The following SMAD2 variants were observed in gnomAD, a reference collection of about 807,000 sequenced individuals.
SMAD2 encodes SMAD family member 2.
In SMAD2, 8 loss-of-function variants were observed where a neutral mutation model predicts 64.4. That is an observed-to-expected ratio of 0.12 (90% confidence interval 0.07 to 0.22). SMAD2 has a LOEUF of 0.22. Ranked by LOEUF, SMAD2 falls within the 10% of genes least tolerant of loss-of-function variation. SMAD2 has a pLI of 1.00. For missense variants in SMAD2, 289 were observed against 561.2 expected, an observed-to-expected ratio of 0.51 and a Z score of 4.90; for synonymous variants, 203 against 195.8, an observed-to-expected ratio of 1.04 and a Z score of -0.31.
At chr18:47,925,019 T>A (rs1181176966) in intron 1 of SMAD2, among the ~76,000 whole-genome samples, 4 of 152,206 alleles carry the variant, frequency 2.6e-5, no homozygotes, top group Non-Finnish European at 5.9e-5. Context: ...TCACCCAAGA[T>A]TATTCCTACT....
At chr18:47,845,166 C>G (rs1598745938) in intron 10 of SMAD2, 174 bp downstream of exon 10, 1 of 694,670 alleles carries the variant, frequency 1.4e-6, no homozygotes. Flanking sequence ...ATAATGGCAG[C>G]TCAGTAATTT....
intron 7 of SMAD2, among the ~76,000 whole-genome samples, chr18:47,850,353 C>T (rs1452584200): frequency 8.6e-4 from 14 of 16,332 alleles, no homozygotes; most frequent in African/African-American, 1.0e-3. Context: ...ATATATTATA[C>T]ATAATATGTA....
chr18:47,850,590 TTA>T (rs1212964913), intron 7 of SMAD2, among the ~76,000 whole-genome samples: 3 of 55,096 alleles, frequency 5.4e-5, no homozygotes, highest in South Asian at 8.7e-4. Context: ...TATATATATA[TTA>T]TATATATTAT....
At chr18:47,902,593 A>C (rs559209834) in intron 1 of SMAD2, among the ~76,000 whole-genome samples, 3 of 152,324 alleles carry the variant, frequency 2.0e-5, no homozygotes, top group African/African-American at 7.2e-5. Flanking sequence ...ACAACAGAAA[A>C]CGTGTCAGTT....
rs1337704671 is a variant in SMAD2, at chr18:47,829,811, T to C, written c.*12016A>G. The C allele has an allele frequency of 6.6e-6, 1 of 152,246 alleles. No homozygotes were observed. Among genetic ancestry groups the C allele is most frequent in the Admixed American group, 6.5e-5 (1 of 15,290 alleles). 9.4% of individuals were successfully genotyped at this position (152,246 alleles called of 1,614,324 possible). ...ATGTTTTACCAACAAATAATTTGTA[T>C]GTTAAATTTAAGCATCTGAATTCCG... is the stretch of plus-strand genomic sequence containing the variant. On this transcript the variant is annotated 3_prime_UTR_variant, in exon 11 of 11. Transcript: ENST00000262160.
chr18:47,929,135 A>G (rs2034893409), intron 1 of SMAD2, among the ~76,000 whole-genome samples: 1 of 152,198 alleles, frequency 6.6e-6, no homozygotes, highest in South Asian at 2.1e-4. Flanking sequence ...TATGAAGCCC[A>G]TTTTAAATTA....
rs1171560317 is a variant in SMAD2 at position 47,875,799 on chromosome 18, G to C, written c.237-5235C>G. Among the ~76,000 whole-genome samples the C allele has an allele frequency of 2.0e-5, 3 of 151,986 alleles. No individual in the cohort carries two copies. In the East Asian group the frequency reaches 5.8e-4, roughly 29 times the overall value. On this transcript the variant is annotated intron_variant, in intron 2 of 10. Coordinates refer to ENST00000262160, the MANE Select transcript of SMAD2 (RefSeq NM_005901.6). ...TCATAAGCTAGCTACTTTATATCAA[G>C]CACTGTGTAAGACTAAATGGATTAG... is the stretch of plus-strand genomic sequence containing the variant.
intron 1 of SMAD2, among the ~76,000 whole-genome samples, chr18:47,904,381 A>G (rs994334735): frequency 6.6e-6 from 1 of 151,792 alleles, no homozygotes; most frequent in Non-Finnish European, 1.5e-5. Context: ...GGATTTGTGG[A>G]GCAAAACTTA....
At chr18:47,930,028 C>T (rs1402066776) in intron 1 of SMAD2, among the ~76,000 whole-genome samples, 1 of 152,056 alleles carries the variant, frequency 6.6e-6, no homozygotes, top group African/African-American at 2.4e-5. Flanking sequence ...GCGTCCCTAA[C>T]AAGGCTTCCC....
At position 47,836,655 on chromosome 18, in the gene SMAD2, A is replaced by G; in HGVS notation, c.*5172T>C. 4.6e-6 allele frequency: 1 copy of G among 216,310 alleles called. No homozygotes were observed. Among genetic ancestry groups the G allele is most frequent in the Non-Finnish European group, 9.3e-6 (1 of 107,458 alleles). 13.4% of individuals were successfully genotyped at this position (216,310 alleles called of 1,614,324 possible). On this transcript the variant is annotated 3_prime_UTR_variant, in exon 11 of 11. Coordinates refer to ENST00000262160, the MANE Select transcript of SMAD2 (RefSeq NM_005901.6). ...CACATATATTATTTATTTCCTTCTT[A>G]AAAAGACTGAGGCAGTTCTGCTATA...
intron 6 of SMAD2, among the ~76,000 whole-genome samples, chr18:47,860,951 T>A (rs1396041429): frequency 6.6e-6 from 1 of 152,190 alleles, no homozygotes; most frequent in Non-Finnish European, 1.5e-5. Context: ...TGAAATGTGT[T>A]CTTCCTATAA....
rs960279245 is a variant in SMAD2, at chr18:47,835,350, A to G, written c.*6477T>C. 4.9e-6 allele frequency: 1 copy of G among 203,358 alleles called. No individual in the cohort carries two copies. The highest frequency in any genetic ancestry group is 1.0e-5 in the Non-Finnish European group (1 of 99,012). 12.6% of individuals were successfully genotyped at this position (203,358 alleles called of 1,614,324 possible). On this transcript the variant is annotated 3_prime_UTR_variant, in exon 11 of 11. Transcript: ENST00000262160. Reference sequence around the variant, plus strand: ...TCACAATTTTAATTAATCTGTGTGTATATTAGTTATATAAAGCAATGGATT... The same window carrying G: ...TCACAATTTTAATTAATCTGTGTGTGTATTAGTTATATAAAGCAATGGATT...
Position 47,811,465 on chromosome 18 carries a change from G to T in SMAD2, c.*30362C>A, listed in dbSNP as rs1481490436. ...AGCCTGGGCGACAGAGCGAGACCTC[G>T]TCTCAAAAAAAAAAAAAAAAAAAAG... is the stretch of plus-strand genomic sequence containing the variant. On this transcript the variant is annotated 3_prime_UTR_variant, in exon 11 of 11. Coordinates refer to ENST00000262160, the MANE Select transcript of SMAD2 (RefSeq NM_005901.6). 1.9e-5 allele frequency: 2 copies of T among 103,744 alleles called. No homozygotes were observed. Among genetic ancestry groups the T allele is most frequent in the Non-Finnish European group, 3.8e-5 (2 of 52,726 alleles). The allele number at this position is 103,744 out of a possible 1,614,324, so 6.4% of individuals were successfully genotyped here.
chr18:47,860,908 CCACAATTAACATCATACTTAAAG>C (rs2031126237), intron 6 of SMAD2, among the ~76,000 whole-genome samples: 1 of 152,050 alleles, frequency 6.6e-6, no homozygotes, highest in Middle Eastern at 3.2e-3. Flanking sequence ...TCCAAAATAT[CCACAATTAACATCATACTTAAAG>C]GGGGAATTGT....
rs1031494884 is a variant in SMAD2, at chr18:47,840,503, A to C, written c.*1324T>G. ...ACTGCAGGTAACTTATAAGCTAAAA[A>C]ACTTGCTAAATAAATGGCTTTTCCC... On this transcript the variant is annotated 3_prime_UTR_variant, in exon 11 of 11. Transcript: ENST00000262160. The C allele has an allele frequency of 4.3e-6, 1 of 232,532 alleles. No homozygotes were observed. 14.4% of individuals were successfully genotyped at this position (232,532 alleles called of 1,614,324 possible).
At position 47,819,591 on chromosome 18, in the gene SMAD2, G is replaced by C. The variant is rs1296547688; in HGVS notation, c.*22236C>G. The C allele has an allele frequency of 6.6e-6, 1 of 152,112 alleles. No homozygotes were observed. The highest frequency in any genetic ancestry group is 2.4e-5 in the African/African-American group (1 of 41,404). 9.4% of individuals were successfully genotyped at this position (152,112 alleles called of 1,614,324 possible). On this transcript the variant is annotated 3_prime_UTR_variant, in exon 11 of 11. Transcript: ENST00000262160. ...TGGGAGGCCAAGGCGGGCAGATCAC[G>C]AGGTCAGGAGATCGAGATCACGGTG...
At chr18:47,897,352 G>A (rs925371182) in intron 1 of SMAD2, among the ~76,000 whole-genome samples, 10 of 148,668 alleles carry the variant, frequency 6.7e-5, no homozygotes, top group African/African-American at 9.8e-5. Context: ...GCTGTAGTCC[G>A]GTTTCACCTG....
Position 47,833,716 on chromosome 18 carries a change from T to C in SMAD2, c.*8111A>G, listed in dbSNP as rs1280205994. ...CTTCACTTGCCATTGGCTGATGCAT[T>C]TAATCATTTTAACACAACATTCACG... On this transcript the variant is annotated 3_prime_UTR_variant, in exon 11 of 11. Coordinates refer to ENST00000262160, the MANE Select transcript of SMAD2 (RefSeq NM_005901.6). 4.3e-6 allele frequency: 1 copy of C among 230,926 alleles called. No individual in the cohort carries two copies. The highest frequency in any genetic ancestry group is 8.6e-6 in the Non-Finnish European group (1 of 116,524). 14.3% of individuals were successfully genotyped at this position (230,926 alleles called of 1,614,324 possible).
At position 47,824,937 on chromosome 18, in the gene SMAD2, G is replaced by C. The variant is rs913866857; in HGVS notation, c.*16890C>G. 12 of 152,108 alleles carry C rather than the reference G, an allele frequency of 7.9e-5. No homozygotes were observed. The highest frequency in any genetic ancestry group is 2.7e-4 in the African/African-American group (11 of 41,420). 9.4% of individuals were successfully genotyped at this position (152,108 alleles called of 1,614,324 possible). A position where few individuals can be genotyped will look rare whatever the true frequency, so the allele number is the denominator to read the frequency against. The stretch of plus-strand genomic sequence containing the variant: ...AGCTTTCTCTAATGGAATGTGCTGT[G>C]AGTGAAGCTTCAAACATTTTCCATT... On this transcript the variant is annotated 3_prime_UTR_variant, in exon 11 of 11. Coordinates refer to ENST00000262160, the MANE Select transcript of SMAD2 (RefSeq NM_005901.6).
Sources: allele counts gnomAD v4.1 joint callset (sites outside exome capture counted in the v4.1 genomes callset), GRCh38; gene constraint gnomAD v4.1.1; transcripts MANE v1.5; gene names NCBI Gene and HGNC (gene_info 2026-07-23, HGNC 2026-07-21).